Variants in L3MBTL2 observed in about 807,000 individuals in gnomAD.
L3MBTL2 encodes the protein L3MBTL histone methyl-lysine binding protein 2, also known as lethal(3)malignant brain tumor-like protein 2.
Under a neutral mutation model 86.4 loss-of-function variants are expected in L3MBTL2, and 49 were observed. The observed-to-expected ratio is 0.57, with a 90% confidence interval of 0.45 to 0.72. The LOEUF is 0.72. L3MBTL2 is among the 30% of genes least tolerant of loss of function. The probability of loss-of-function intolerance (pLI) is 0.00; values close to 1 mark genes in which losing one functional copy is unlikely to be tolerated. For synonymous variants in L3MBTL2, 336 were observed against 350.6 expected (o/e 0.96, Z 0.47); for missense variants, 755 against 923.7 (o/e 0.82, Z 2.37).
In L3MBTL2 at chr22:41,226,729, G is replaced by A. The variant is rs138838082; in HGVS notation, c.1572G>A (p.Ser524=). 1.6e-5 allele frequency: 26 copies of A among 1,613,648 alleles called. No homozygotes were observed. In the African/African-American group the frequency reaches 2.7e-4, roughly 17 times the overall value. Residue 524 remains serine (S), a synonymous_variant, in exon 13 of 17, where the codon TCG becomes TCA. Coordinates refer to ENST00000216237, the MANE Select transcript of L3MBTL2 (RefSeq NM_031488.5). ...AGACCAAGTCGAAAGCCGCTCCATCGAGACTCTTTAACATGGTGAGGAGAC... is the reference window on the plus strand; with the variant it reads ...AGACCAAGTCGAAAGCCGCTCCATCAAGACTCTTTAACATGGTGAGGAGAC... The part of the protein sequence containing the change: ...LEKTKSKAAP[S]RLFNMDCPNH...
At chr22:41,211,023 G>A (rs1194982077) in intron 2 of L3MBTL2, among the ~76,000 whole-genome samples, 8 of 152,136 alleles carry the variant, frequency 5.3e-5, no homozygotes, top group African/African-American at 1.9e-4. Context: ...TAGGAGGACT[G>A]GGTTGGGGGC....
rs1569152803 is a variant in L3MBTL2 at position 41,227,578 on chromosome 22, A to G, written c.1823-226A>G. 2.6e-6 allele frequency: 4 copies of G among 1,547,790 alleles called. No homozygotes were observed. Among genetic ancestry groups the G allele is most frequent in the South Asian group, 1.2e-5 (1 of 83,200 alleles). ...GTTCGTGCCCTTGTGCACCCAGGTA[A>G]ACTACCCAGGTCCCTCTGAGCAGCC... On this transcript the variant is annotated intron_variant, in intron 14 of 16. Coordinates refer to ENST00000216237, the MANE Select transcript of L3MBTL2 (RefSeq NM_031488.5). The surrounding 1 kb of genome is among the most constrained non-coding windows in gnomAD (Gnocchi z 6.0).
chr22:41,227,078 T>C lies in L3MBTL2; in HGVS notation c.1588-11T>C. On this transcript the variant is annotated splice_polypyrimidine_tract_variant and intron_variant, in intron 13 of 16. Coordinates refer to ENST00000216237, the MANE Select transcript of L3MBTL2 (RefSeq NM_031488.5). The surrounding 1 kb of genome is among the most constrained non-coding windows in gnomAD (Gnocchi z 6.0). ...GACTGGCTTGGCCACTGCCTCCTTT[T>C]TCTGCCCCAGGATTGCCCAAACCAT... is the stretch of plus-strand genomic sequence containing the variant. 6.2e-7 allele frequency: 1 copy of C among 1,602,672 alleles called. No homozygotes were observed. The highest frequency in any genetic ancestry group is 8.5e-7 in the Non-Finnish European group (1 of 1,174,978).
In L3MBTL2 at chr22:41,205,513, G is replaced by A. The variant is rs1010601710; in HGVS notation, c.24+127G>A. ...GTGGGAGGATGGATAAACTGAGGTA[G>A]TTAAACTGAGCCAGGGGCAGAGGCA... On this transcript the variant is annotated intron_variant, in intron 1 of 16. Coordinates refer to ENST00000216237, the MANE Select transcript of L3MBTL2 (RefSeq NM_031488.5). The A allele has an allele frequency of 4.4e-6, 5 of 1,130,292 alleles. 1 individual carries two copies. The highest frequency in any genetic ancestry group is 6.7e-6 in the Non-Finnish European group (5 of 746,924). 70.0% of individuals were successfully genotyped at this position (1,130,292 alleles called of 1,614,324 possible). A position where few individuals can be genotyped will look rare whatever the true frequency, so the allele number is the denominator to read the frequency against.
intron 5 of L3MBTL2, 186 bp from the exon 6 acceptor site, chr22:41,219,233 A>T: frequency 1.9e-6 from 1 of 516,172 alleles, no homozygotes; most frequent in Non-Finnish European, 3.6e-6. Context: ...CTCCACCTCT[A>T]CTCCCGGCTT....
chr22:41,222,087 G>C (rs1339776031), intron 8 of L3MBTL2, among the ~76,000 whole-genome samples: 1 of 151,468 alleles, frequency 6.6e-6, no homozygotes, highest in East Asian at 1.9e-4. Flanking sequence ...ATTTTTAGTA[G>C]AGATGGGGTT....
intron 6 of L3MBTL2, 114 bp from the exon 7 acceptor site, chr22:41,220,617 CACT>C: frequency 2.0e-5 from 22 of 1,103,954 alleles, no homozygotes; most frequent in Non-Finnish European, 2.6e-5. Context: ...GAGATGGCGC[CACT>C]GCACTCCAGC....
In L3MBTL2 at chr22:41,227,442, A is replaced by C; in HGVS notation, c.1822+119A>C. On this transcript the variant is annotated intron_variant, in intron 14 of 16. Coordinates refer to ENST00000216237, the MANE Select transcript of L3MBTL2 (RefSeq NM_031488.5). This position sits in a 1 kb window ranked among gnomAD's most constrained non-coding sequence, Gnocchi z 6.0. The stretch of plus-strand genomic sequence containing the variant: ...ATGAGGTGGAGATGTCTCATGGACC[A>C]CTTTAAGTAGAGAGTGAGCCCCGTC... The C allele has an allele frequency of 8.3e-7, 1 of 1,208,578 alleles. No homozygotes were observed. Among genetic ancestry groups the C allele is most frequent in the South Asian group, 1.3e-5 (1 of 75,262 alleles). The allele number at this position is 1,208,578 out of a possible 1,614,324, so 74.9% of individuals were successfully genotyped here.
At chr22:41,217,467 A>C (rs1326645506) in intron 5 of L3MBTL2, 3 of 452,816 alleles carry the variant, frequency 6.6e-6, no homozygotes, top group Non-Finnish European at 1.2e-5. Context: ...CTGATGTCGA[A>C]GGGTCTTTGC....
In L3MBTL2 at chr22:41,226,000, G is replaced by T; in HGVS notation, c.1504+59G>T. The T allele has an allele frequency of 6.4e-7, 1 of 1,564,030 alleles. No individual in the cohort carries two copies. Among genetic ancestry groups the T allele is most frequent in the Non-Finnish European group, 8.7e-7 (1 of 1,151,328 alleles). Reference sequence around the variant, plus strand: ...GCCATCAGAAGGGGCAGGGTGTCCAGGCGCGGTGGCTCCCGCCTGTAATCC... The same window carrying T: ...GCCATCAGAAGGGGCAGGGTGTCCATGCGCGGTGGCTCCCGCCTGTAATCC... On this transcript the variant is annotated intron_variant, in intron 12 of 16. Coordinates refer to ENST00000216237, the MANE Select transcript of L3MBTL2 (RefSeq NM_031488.5). The surrounding 1 kb of genome is among the most constrained non-coding windows in gnomAD (Gnocchi z 4.1).
At chr22:41,210,172 T>G (rs991521408) in intron 2 of L3MBTL2, among the ~76,000 whole-genome samples, 13 of 144,836 alleles carry the variant, frequency 9.0e-5, no homozygotes, top group African/African-American at 3.4e-4. Context: ...TTTTTGAGAC[T>G]TGAGTGTCGC....
chr22:41,222,515 G>A lies in L3MBTL2; in HGVS notation c.942+1228G>A, dbSNP rs554573316. Among the ~76,000 whole-genome samples, 36 of 152,160 alleles carry A rather than the reference G, an allele frequency of 2.4e-4. 1 individual carries two copies. The South Asian group carries it at 4.1e-3, about 18-fold the overall frequency. ...TACATGGTAAAAGTGACTCATACCTGTCTCAGTGTCTCAGCACTTTGGGAG... is the reference window on the plus strand; with the variant it reads ...TACATGGTAAAAGTGACTCATACCTATCTCAGTGTCTCAGCACTTTGGGAG... On this transcript the variant is annotated intron_variant, in intron 8 of 16. Transcript: ENST00000216237.
In L3MBTL2 at chr22:41,230,477, G is replaced by GC. The variant is rs1449757095; in HGVS notation, c.*230dup. 1 of 512,026 alleles carries GC rather than the reference G, an allele frequency of 2.0e-6. No homozygotes were observed. The highest frequency in any genetic ancestry group is 3.5e-6 in the Non-Finnish European group (1 of 289,296). The allele number at this position is 512,026 out of a possible 1,614,324, so 31.7% of individuals were successfully genotyped here. ...AGGTCTATATGACGGGCCGCCTGAGGCCCCAGAACTCGTCTGTGAACCACC... is the reference window on the plus strand; with the variant it reads ...AGGTCTATATGACGGGCCGCCTGAGGCCCCCAGAACTCGTCTGTGAACCACC... On this transcript the variant is annotated 3_prime_UTR_variant, in exon 17 of 17. Transcript: ENST00000216237.
intron 1 of L3MBTL2, among the ~76,000 whole-genome samples, chr22:41,206,580 C>G (rs1323417227): frequency 1.3e-5 from 2 of 151,864 alleles, no homozygotes; most frequent in African/African-American, 4.8e-5. Context: ...GGGCAGATCA[C>G]GAGGTCAGGA....
At chr22:41,222,702 C>T (rs945325245) in intron 8 of L3MBTL2, among the ~76,000 whole-genome samples, 4 of 152,100 alleles carry the variant, frequency 2.6e-5, no homozygotes, top group Non-Finnish European at 5.9e-5. Context: ...AGAAGATCAC[C>T]TGAGGGCAGG....
chr22:41,223,630 A>C (rs1300759678), intron 8 of L3MBTL2, among the ~76,000 whole-genome samples: 2 of 152,266 alleles, frequency 1.3e-5, no homozygotes, highest in African/African-American at 4.8e-5. Context: ...CACAGGCTGC[A>C]CACCAGCTTC....
Position 41,227,332 on chromosome 22 carries a change from T to A in L3MBTL2, c.1822+9T>A. 5 of 1,583,560 alleles carry A rather than the reference T, an allele frequency of 3.2e-6. No individual in the cohort carries two copies. The highest frequency in any genetic ancestry group is 4.3e-6 in the Non-Finnish European group (5 of 1,164,328). On this transcript the variant is annotated intron_variant, in intron 14 of 16. Transcript: ENST00000216237. The surrounding 1 kb of genome is among the most constrained non-coding windows in gnomAD (Gnocchi z 6.0). ...GCCTCCTGTGGCCGCAGGTGTGGGC[T>A]CTCGTGGCCCTAAGAGGCTCTGACT...
intron 2 of L3MBTL2, among the ~76,000 whole-genome samples, chr22:41,211,179 C>T (rs1256570180): frequency 1.3e-5 from 2 of 152,120 alleles, no homozygotes; most frequent in Non-Finnish European, 2.9e-5. Flanking sequence ...TGTGAGGACA[C>T]TGCCATCCTT....
intron 7 of L3MBTL2, 60 bp downstream of exon 7, chr22:41,220,928 C>T: frequency 6.4e-7 from 1 of 1,560,364 alleles, no homozygotes; most frequent in Non-Finnish European, 8.8e-7. Context: ...GAGGGAGAGT[C>T]CTCTGCTTGT....
Sources: allele counts gnomAD v4.1 joint callset (sites outside exome capture counted in the v4.1 genomes callset), GRCh38; gene constraint gnomAD v4.1.1; non-coding constraint Gnocchi (gnomAD v3.1); transcripts MANE v1.5; gene names NCBI Gene and HGNC (gene_info 2026-07-23, HGNC 2026-07-21).